FRA10AC1: variants seen among roughly 807,000 people sequenced by gnomAD.
FRA10AC1 encodes protein FRA10AC1.
A neutral mutation model predicts 56.5 loss-of-function variants in FRA10AC1; 43 were observed. The ratio of observed to expected loss-of-function variants is 0.76; its 90% CI spans 0.60 to 0.98. The LOEUF is 0.98. FRA10AC1 is among the 50% of genes least tolerant of loss of function. The pLI is 0.00. For synonymous variants in FRA10AC1, 112 were observed against 110.5 expected, an observed-to-expected ratio of 1.01 and a Z score of -0.09; for missense variants, 346 against 351.8, an observed-to-expected ratio of 0.98 and a Z score of 0.13.
intron 11 of FRA10AC1, among the ~76,000 whole-genome samples, chr10:93,677,658 T>A (rs1169089511): frequency 6.6e-6 from 1 of 152,136 alleles, no homozygotes; most frequent in Non-Finnish European, 1.5e-5. Flanking sequence ...TTTTTGATAG[T>A]AGTGGGTTCC....
intron 13 of FRA10AC1, among the ~76,000 whole-genome samples, chr10:93,670,222 G>A (rs2058739229): frequency 6.6e-6 from 1 of 151,988 alleles, no homozygotes; most frequent in African/African-American, 2.4e-5. Context: ...GTCTGCTCAA[G>A]AAGTGAATAA....
chr10:93,693,531 C>CATATAT (rs397947381), intron 5 of FRA10AC1, among the ~76,000 whole-genome samples: 1,181 of 30,758 alleles, frequency 0.038, 106 homozygotes, highest in Middle Eastern at 0.079. Context: ...ATATATACAC[C>CATATAT]ATATATATAT....
chr10:93,694,373 T>G lies in FRA10AC1; in HGVS notation c.296+488A>C, dbSNP rs564069762. Among the ~76,000 whole-genome samples, 9 of 152,212 alleles carry G rather than the reference T, an allele frequency of 5.9e-5. No individual in the cohort carries two copies. The South Asian group carries it at 1.9e-3, about 32-fold the overall frequency. ...GGCCTGTCCAAAAAAATGGGATTCA[T>G]GAAGAGCTACTCAGGAGCTGTGGAT... is the stretch of plus-strand genomic sequence containing the variant. On this transcript the variant is annotated intron_variant, in intron 5 of 13. Transcript: ENST00000359204.
chr10:93,698,025 T>C (rs2059261329), intron 4 of FRA10AC1, 111 bp downstream of exon 4: 2 of 616,152 alleles, frequency 3.2e-6, no homozygotes, highest in South Asian at 5.9e-5. Flanking sequence ...ACTAAATACT[T>C]ATCTTTAAAA....
At chr10:93,671,720 G>T in intron 12 of FRA10AC1, 1 of 250,908 alleles carries the variant, frequency 4.0e-6, no homozygotes, top group South Asian at 4.4e-5. Context: ...AGTATGCATA[G>T]TATAATAGAT....
At chr10:93,696,305 G>A (rs561427510) in intron 4 of FRA10AC1, among the ~76,000 whole-genome samples, 7 of 152,252 alleles carry the variant, frequency 4.6e-5, no homozygotes, top group African/African-American at 1.4e-4. Flanking sequence ...CTAAAAAATC[G>A]TCAACAAAAG....
Position 93,698,410 on chromosome 10 carries a change from A to C in FRA10AC1, c.78-14T>G, listed in dbSNP as rs772685623. On this transcript the variant is annotated splice_polypyrimidine_tract_variant and intron_variant, in intron 2 of 13. Coordinates refer to ENST00000359204, the MANE Select transcript of FRA10AC1 (RefSeq NM_145246.5). ...TCTTCAACTGTCCTGATATATTAAG[A>C]AGAAAATAAGAGTTCACTTTTTTCA... The C allele has an allele frequency of 9.2e-6, 13 of 1,411,860 alleles. No individual in the cohort carries two copies. The South Asian group carries it at 1.6e-4, about 18-fold the overall frequency. The allele number at this position is 1,411,860 out of a possible 1,614,324, so 87.5% of individuals were successfully genotyped here.
chr10:93,676,503 T>C (rs2058842399), intron 12 of FRA10AC1, 150 bp downstream of exon 12: 1 of 1,191,680 alleles, frequency 8.4e-7, no homozygotes, highest in Non-Finnish European at 1.1e-6. Context: ...CTATACACTT[T>C]TGGCCTTTTT....
At chr10:93,687,097 T>C (rs2059042673) in intron 8 of FRA10AC1, among the ~76,000 whole-genome samples, 1 of 151,874 alleles carries the variant, frequency 6.6e-6, no homozygotes, top group South Asian at 2.1e-4. Flanking sequence ...AGGAAAAAAA[T>C]AAACCTTTCT....
At chr10:93,689,704 C>CTA (rs1303793170) in intron 7 of FRA10AC1, among the ~76,000 whole-genome samples, 1 of 152,112 alleles carries the variant, frequency 6.6e-6, no homozygotes, top group Non-Finnish European at 1.5e-5. Context: ...ACATTATATC[C>CTA]TACTAGTTAA....
At chr10:93,685,978 A>G (rs1003827382) in intron 8 of FRA10AC1, among the ~76,000 whole-genome samples, 5 of 151,888 alleles carry the variant, frequency 3.3e-5, no homozygotes, top group Non-Finnish European at 7.4e-5. Flanking sequence ...AACATCACAC[A>G]CATTACCATG....
At chr10:93,702,099 T>C (rs2059343430) in intron 1 of FRA10AC1, among the ~76,000 whole-genome samples, 1 of 152,048 alleles carries the variant, frequency 6.6e-6, no homozygotes, top group Non-Finnish European at 1.5e-5. Context: ...CTCTCCCATT[T>C]CTTTATTCGC....
chr10:93,696,503 G>T (rs1460016159), intron 4 of FRA10AC1, among the ~76,000 whole-genome samples: 1 of 152,234 alleles, frequency 6.6e-6, no homozygotes, highest in East Asian at 1.9e-4. Flanking sequence ...TACACTGTTG[G>T]TGGGAATGTA....
intron 7 of FRA10AC1, among the ~76,000 whole-genome samples, chr10:93,690,231 A>T (rs563839791): frequency 2.6e-5 from 4 of 152,220 alleles, no homozygotes; most frequent in South Asian, 2.1e-4. Context: ...CAAACTCATT[A>T]TCTTCCCCCC....
chr10:93,676,319 G>A (rs2058839233), intron 12 of FRA10AC1, among the ~76,000 whole-genome samples: 1 of 152,112 alleles, frequency 6.6e-6, no homozygotes, highest in Non-Finnish European at 1.5e-5. Context: ...CCAAACTAGT[G>A]AAAACCATAG....
At chr10:93,702,306 C>G (rs2059348000) in intron 1 of FRA10AC1, 69 bp downstream of exon 1, 1 of 153,148 alleles carries the variant, frequency 6.5e-6, no homozygotes, top group Non-Finnish European at 1.5e-5. Context: ...TCAGCTAGTA[C>G]TATATGAAAA....
In FRA10AC1 at chr10:93,669,766, C is replaced by A; in HGVS notation, c.*60G>T. The A allele has an allele frequency of 9.1e-7, 1 of 1,101,562 alleles. No homozygotes were observed. The highest frequency in any genetic ancestry group is 1.4e-5 in the South Asian group (1 of 70,786). 68.2% of individuals were successfully genotyped at this position (1,101,562 alleles called of 1,614,324 possible). On this transcript the variant is annotated 3_prime_UTR_variant, in exon 14 of 14. Coordinates refer to ENST00000359204, the MANE Select transcript of FRA10AC1 (RefSeq NM_145246.5). ...AAAACTTATATGGAATTTCAAATTG[C>A]ATGAAGTTTAAAACTTCATGAAGTT... is the stretch of plus-strand genomic sequence containing the variant.
At chr10:93,697,971 AAAGAG>A (rs1247276036) in intron 4 of FRA10AC1, among the ~76,000 whole-genome samples, 160 bp downstream of exon 4, 1 of 152,178 alleles carries the variant, frequency 6.6e-6, no homozygotes, top group African/African-American at 2.4e-5. Flanking sequence ...TATATTAGTA[AAAGAG>A]AATTGTACCC....
intron 8 of FRA10AC1, among the ~76,000 whole-genome samples, chr10:93,686,565 T>TTTAAATTTA (rs1280692145): frequency 6.6e-6 from 1 of 151,742 alleles, no homozygotes; most frequent in African/African-American, 2.4e-5. Context: ...TTAAAATAGC[T>TTTAAATTTA]TTAAATTTAT....
Sources: gnomAD v4.1 joint callset for allele counts (sites outside exome capture counted in the v4.1 genomes callset) on GRCh38, gnomAD v4.1.1 for gene constraint, MANE v1.5 for transcripts, NCBI Gene and HGNC (gene_info 2026-07-23, HGNC 2026-07-21) for gene names.